Variants in SLC12A2 observed in about 807,000 individuals in gnomAD.
SLC12A2 encodes the protein Na-K-2Cl cotransporter 1.
In SLC12A2, 67 loss-of-function variants were observed where a neutral mutation model predicts 136.3. The ratio of observed to expected loss-of-function variants is 0.49; its 90% CI spans 0.40 to 0.60. The LOEUF (loss-of-function observed/expected upper bound fraction) is 0.60. SLC12A2 is among the 20% of genes least tolerant of loss of function. The probability of loss-of-function intolerance (pLI) is 0.00; values close to 1 mark genes in which losing one functional copy is unlikely to be tolerated. For synonymous variants in SLC12A2, 619 were observed against 562.9 expected, an observed-to-expected ratio of 1.10 and a Z score of -1.41; for missense variants, 1,322 against 1,534.7, an observed-to-expected ratio of 0.86 and a Z score of 2.32.
At chr5:128,172,259 A>C (rs1207963547) in intron 19 of SLC12A2, among the ~76,000 whole-genome samples, 1 of 152,194 alleles carries the variant, frequency 6.6e-6, no homozygotes. Flanking sequence ...AATAGTAGAG[A>C]GGTCCTCTGT....
rs1335495215 is a variant in SLC12A2, at chr5:128,189,046, A to G, written c.*2415A>G. 1 of 152,244 alleles carries G rather than the reference A, an allele frequency of 6.6e-6. No homozygotes were observed. The highest frequency in any genetic ancestry group is 1.5e-5 in the Non-Finnish European group (1 of 67,998). 9.4% of individuals were successfully genotyped at this position (152,244 alleles called of 1,614,324 possible). On this transcript the variant is annotated 3_prime_UTR_variant, in exon 27 of 27. Transcript: ENST00000262461. ...GTACATAAAATATATCTAACTATTC[A>G]TAATGTGGGGTGGGTAATACTGTCT...
intron 1 of SLC12A2, among the ~76,000 whole-genome samples, chr5:128,088,278 GAA>G (rs1700408900): frequency 6.6e-6 from 1 of 152,088 alleles, no homozygotes; most frequent in Non-Finnish European, 1.5e-5. Flanking sequence ...GAAGCTGAGA[GAA>G]AAGAGTTTTT....
rs545447073 is a variant in SLC12A2, at chr5:128,164,992, G to A, written c.2617-2769G>A. ...TGAGTAGCTGGGACCATAGGCGTGC[G>A]CTACCATGGCTGGCTAGTTTTTGTA... On this transcript the variant is annotated intron_variant, in intron 17 of 26. Transcript: ENST00000262461. 1.6e-4 allele frequency among the ~76,000 whole-genome samples: 25 copies of A among 151,908 alleles called. No individual in the cohort carries two copies. In the East Asian group the frequency reaches 4.7e-3, roughly 28 times the overall value.
rs780991381 is a variant in SLC12A2, at chr5:128,147,652, C to T, written c.1804C>T (p.Leu602=). 18 of 1,609,764 alleles carry T rather than the reference C, an allele frequency of 1.1e-5. No homozygotes were observed. The highest frequency in any genetic ancestry group is 1.5e-5 in the Non-Finnish European group (18 of 1,176,902). Residue 602 remains leucine (L), a synonymous_variant, in exon 11 of 27, where the codon CTA becomes TTA. Coordinates refer to ENST00000262461, the MANE Select transcript of SLC12A2 (RefSeq NM_001046.3). ...VMSMVSGFTP[L]ISAGIFSATL... ...GAGTATGGTGTCAGGATTTACACCACTAATTTCTGCAGGTATATTTTCAGC... is the reference window on the plus strand; with the variant it reads ...GAGTATGGTGTCAGGATTTACACCATTAATTTCTGCAGGTATATTTTCAGC...
In SLC12A2 at chr5:128,084,456, A is replaced by T; in HGVS notation, c.502A>T (p.Asn168Tyr). 6.2e-7 allele frequency: 1 copy of T among 1,612,476 alleles called. No individual in the cohort carries two copies. The highest frequency in any genetic ancestry group is 8.5e-7 in the Non-Finnish European group (1 of 1,179,630). The part of the protein sequence containing the change: ...DAAGVGVDGP[N>Y]VSFQNGGDTV... ...TGCCGGGGTCGGAGTCGACGGGCCC[A>T]ACGTGAGCTTCCAGAACGGCGGGGA... is the stretch of plus-strand genomic sequence containing the variant. Residue 168 changes from asparagine to tyrosine, a missense_variant, in exon 1 of 27, where the codon AAC (asparagine) becomes TAC (tyrosine). Asn to Tyr is a moderately radical substitution (Grantham distance 143, BLOSUM62 -2). Transcript: ENST00000262461. This position sits in a 1 kb window ranked among gnomAD's most constrained non-coding sequence, Gnocchi z 5.6.
At chr5:128,155,958 A>G (rs1420844341) in intron 15 of SLC12A2, among the ~76,000 whole-genome samples, 2 of 152,122 alleles carry the variant, frequency 1.3e-5, no homozygotes, top group African/African-American at 2.4e-5. Context: ...AAACTCTTCT[A>G]TTAAATGTAG....
chr5:128,083,803 G>A lies in SLC12A2; in HGVS notation c.-152G>A. 1.9e-6 allele frequency: 1 copy of A among 535,130 alleles called. No homozygotes were observed. 33.1% of individuals were successfully genotyped at this position (535,130 alleles called of 1,614,324 possible). ...TCGCTCGGCTGCCGGTGGCCTCTGT[G>A]GCCGTCCAGGCTAGCGGCGGCCCGC... is the stretch of plus-strand genomic sequence containing the variant. On this transcript the variant is annotated 5_prime_UTR_variant, in exon 1 of 27. Transcript: ENST00000262461.
intron 4 of SLC12A2, among the ~76,000 whole-genome samples, chr5:128,117,185 C>T (rs562788927): frequency 6.6e-6 from 1 of 152,240 alleles, no homozygotes; most frequent in Admixed American, 6.5e-5. Context: ...AGGAAATGAG[C>T]TTAGACACCT....
chr5:128,110,950 C>T (rs1272161840), intron 1 of SLC12A2: 3 of 828,964 alleles, frequency 3.6e-6, no homozygotes, highest in Non-Finnish European at 6.4e-6. Flanking sequence ...TGAGAATGAC[C>T]TCTTCCCTTG....
chr5:128,165,925 C>T (rs60288625), intron 17 of SLC12A2, among the ~76,000 whole-genome samples: 1 of 121,214 alleles, frequency 8.2e-6, no homozygotes, highest in Non-Finnish European at 1.7e-5. Context: ...ACCTCCCCCC[C>T]CCCCCCCCAG....
intron 17 of SLC12A2, among the ~76,000 whole-genome samples, chr5:128,165,037 T>G (rs2126738284): frequency 6.6e-6 from 1 of 152,018 alleles, no homozygotes; most frequent in African/African-American, 2.4e-5. Context: ...GAGATGAGGT[T>G]TCACCATGTT....
chr5:128,158,205 A>C, intron 16 of SLC12A2, 41 bp downstream of exon 16: 1 of 1,471,200 alleles, frequency 6.8e-7, no homozygotes, highest in Non-Finnish European at 9.4e-7. Context: ...TTTTTTTTTA[A>C]AGTTTTATTT....
intron 17 of SLC12A2, among the ~76,000 whole-genome samples, chr5:128,162,619 A>G (rs1561696477): frequency 1.3e-5 from 2 of 152,218 alleles, no homozygotes; most frequent in Non-Finnish European, 2.9e-5. Context: ...GGAAGCATAG[A>G]CCAAGGGAAG....
At chr5:128,136,693 C>A (rs1762201794) in intron 7 of SLC12A2, among the ~76,000 whole-genome samples, 1 of 152,086 alleles carries the variant, frequency 6.6e-6, no homozygotes, top group Non-Finnish European at 1.5e-5. Flanking sequence ...AGGTGCCTAA[C>A]TCACTGGTCA....
intron 4 of SLC12A2, among the ~76,000 whole-genome samples, chr5:128,125,206 A>G (rs1297838584): frequency 2.0e-5 from 3 of 152,244 alleles, no homozygotes; most frequent in Admixed American, 6.5e-5. Flanking sequence ...ATGGGACTAA[A>G]TAACAGATTG....
In SLC12A2 at chr5:128,187,016, GA is replaced by G. The variant is rs1763890758; in HGVS notation, c.*387del. The G allele has an allele frequency of 6.2e-6, 1 of 162,244 alleles. No homozygotes were observed. Among genetic ancestry groups the G allele is most frequent in the Non-Finnish European group, 1.4e-5 (1 of 73,810 alleles). 10.1% of individuals were successfully genotyped at this position (162,244 alleles called of 1,614,324 possible). On this transcript the variant is annotated 3_prime_UTR_variant, in exon 27 of 27. Coordinates refer to ENST00000262461, the MANE Select transcript of SLC12A2 (RefSeq NM_001046.3). Reference sequence around the variant, plus strand: ...ATATATCCTCTTTTATAAACTTATAGAATGTCAAACTTTGCCTTCAACTGTT... The same window carrying G: ...ATATATCCTCTTTTATAAACTTATAGATGTCAAACTTTGCCTTCAACTGTT...
chr5:128,111,996 G>C (rs577959954), intron 1 of SLC12A2, among the ~76,000 whole-genome samples: 18 of 152,058 alleles, frequency 1.2e-4, no homozygotes, highest in Non-Finnish European at 2.2e-4. Context: ...GATGGTGTTA[G>C]AGACATAATT....
chr5:128,097,333 CATT>C (rs1413823010), intron 1 of SLC12A2, among the ~76,000 whole-genome samples: 4 of 152,036 alleles, frequency 2.6e-5, no homozygotes, highest in African/African-American at 9.7e-5. Flanking sequence ...CATTAAGTAA[CATT>C]AGTAAATAAT....
rs774885519 is a variant in SLC12A2, at chr5:128,084,430, C to G, written c.476C>G (p.Ala159Gly). ...SSSAEDSLSD[A>G]AGVGVDGPNV... is the part of the protein sequence containing the mutation. ...TCGGCTGAAGACAGCCTGTCAGATGCTGCCGGGGTCGGAGTCGACGGGCCC... is the reference window on the plus strand; with the variant it reads ...TCGGCTGAAGACAGCCTGTCAGATGGTGCCGGGGTCGGAGTCGACGGGCCC... The change falls in exon 1 of 27, where the codon GCT (alanine) becomes GGT (glycine). Residue 159 changes from alanine to glycine, a missense_variant. Physicochemically the swap from Ala to Gly is moderately conservative, Grantham distance 60. Transcript: ENST00000262461. This position sits in a 1 kb window ranked among gnomAD's most constrained non-coding sequence, Gnocchi z 5.6. 6.2e-7 allele frequency: 1 copy of G among 1,612,396 alleles called. No homozygotes were observed. Among genetic ancestry groups the G allele is most frequent in the Admixed American group, 1.7e-5 (1 of 59,956 alleles).
Sources: allele counts gnomAD v4.1 joint callset (sites outside exome capture counted in the v4.1 genomes callset), GRCh38; gene constraint gnomAD v4.1.1; non-coding constraint Gnocchi (gnomAD v3.1); transcripts MANE v1.5; gene names NCBI Gene and HGNC (gene_info 2026-07-23, HGNC 2026-07-21).